The following FRYL variants were observed in gnomAD, a reference collection of about 807,000 sequenced individuals.
The protein encoded by FRYL is FRY like transcription coactivator.
A neutral mutation model predicts 351.2 loss-of-function variants in FRYL; 150 were observed. The observed-to-expected ratio is 0.43, with a 90% CI of 0.37 to 0.49. The LOEUF (loss-of-function observed/expected upper bound fraction) is 0.49, where lower values mean the gene tolerates loss of function less well. Ranked by LOEUF, FRYL falls within the 20% of genes least tolerant of loss-of-function variation. The probability of loss-of-function intolerance (pLI) is 0.00; values close to 1 mark genes in which losing one functional copy is unlikely to be tolerated. For synonymous variants in FRYL, 1,153 were observed against 1,257.1 expected (o/e 0.92, Z 1.75); for missense variants, 3,036 against 3,619.3 (o/e 0.84, Z 4.13).
intron 52 of FRYL, 104 bp downstream of exon 52, chr4:48,527,867 C>A (rs1050375004): frequency 3.8e-6 from 4 of 1,057,984 alleles, no homozygotes; most frequent in South Asian, 1.7e-5. Flanking sequence ...TGAGTTAATA[C>A]CGTAAGTAAG....
chr4:48,525,716 G>A (rs1254079314), intron 53 of FRYL, among the ~76,000 whole-genome samples: 3 of 152,126 alleles, frequency 2.0e-5, no homozygotes, highest in African/African-American at 4.8e-5. Context: ...TGTATGAGCT[G>A]TATATGAGTT....
At chr4:48,522,854 G>A in intron 54 of FRYL, 47 bp downstream of exon 54, 1 of 1,386,730 alleles carries the variant, frequency 7.2e-7, no homozygotes, top group Non-Finnish European at 1.0e-6. Flanking sequence ...TGGAAGTTAA[G>A]AGGAAAATGA....
chr4:48,531,560 T>G (rs1311820161), intron 49 of FRYL, among the ~76,000 whole-genome samples: 1 of 152,204 alleles, frequency 6.6e-6, no homozygotes, highest in Non-Finnish European at 1.5e-5. Flanking sequence ...AGATACCATA[T>G]GTGTAATAAT....
In FRYL at chr4:48,609,077, CA is replaced by C; in HGVS notation, c.492-11del. The C allele has an allele frequency of 6.6e-7, 1 of 1,513,668 alleles. No homozygotes were observed. The allele number at this position is 1,513,668 out of a possible 1,614,324, so 93.8% of individuals were successfully genotyped here. A position where few individuals can be genotyped will look rare whatever the true frequency, so the allele number is the denominator to read the frequency against. ...GTTGGTTCCTGAATATCTAAAATAA[CA>C]AAAGAACAAACATAACATTTCATTA... is the stretch of plus-strand genomic sequence containing the variant. On this transcript the variant is annotated splice_polypyrimidine_tract_variant and intron_variant, in intron 8 of 63. Coordinates refer to ENST00000358350, the MANE Select transcript of FRYL (RefSeq NM_015030.2).
At chr4:48,653,705 T>C (rs1378120377) in intron 3 of FRYL, 25 of 1,288,522 alleles carry the variant, frequency 1.9e-5, no homozygotes, top group Admixed American at 6.9e-5. Flanking sequence ...TGTAGGAATA[T>C]ATACTTACAG....
chr4:48,654,165 G>C (rs191880469), intron 3 of FRYL, among the ~76,000 whole-genome samples: 86 of 152,138 alleles, frequency 5.7e-4, no homozygotes, highest in African/African-American at 2.0e-3. Context: ...ACGACTGCTA[G>C]TAAACAGACA....
Position 48,582,631 on chromosome 4 carries a change from AT to A in FRYL, c.1851del (p.Phe618LeufsTer9). ...ACTTCACGAACAATAAAATAAACAA[AT>A]CCTGAAAGAACATCCTCCCGCCAAT... ...FPDWREDVLS[G>X]FVYFIVREVT... On this transcript the variant is annotated frameshift_variant, in exon 20 of 64. Transcript: ENST00000358350. LOFTEE classifies it high-confidence loss of function. 1 of 1,614,048 alleles carries A rather than the reference AT, an allele frequency of 6.2e-7. No homozygotes were observed.
At chr4:48,545,448 C>A (rs949997663) in intron 42 of FRYL, among the ~76,000 whole-genome samples, 1 of 152,150 alleles carries the variant, frequency 6.6e-6, no homozygotes, top group Non-Finnish European at 1.5e-5. Context: ...GCATCCTACA[C>A]GCTGTTATGG....
chr4:48,570,956 CT>C (rs762468829), intron 26 of FRYL, 38 bp from the exon 27 acceptor site: 1 of 1,494,408 alleles, frequency 6.7e-7, no homozygotes, highest in Non-Finnish European at 9.3e-7. Context: ...TAAAATCCTG[CT>C]GGTGTAACTT....
intron 3 of FRYL, among the ~76,000 whole-genome samples, chr4:48,670,123 T>A (rs1762410565): frequency 6.6e-6 from 1 of 152,154 alleles, no homozygotes; most frequent in Non-Finnish European, 1.5e-5. Context: ...TTAGTTTTTT[T>A]AATGTACAAT....
rs527410662 is a variant in FRYL at position 48,507,315 on chromosome 4, G to GTAGTT, written c.8395-1705_8395-1701dup. ...TTCCAGCCAGAGCATACAAGACATGGTAGTTTGTGCTCAGAACACCCTCCA... is the reference window on the plus strand; with the variant it reads ...TTCCAGCCAGAGCATACAAGACATGGTAGTTTAGTTTGTGCTCAGAACACCCTCCA... On this transcript the variant is annotated intron_variant, in intron 59 of 63. Coordinates refer to ENST00000358350, the MANE Select transcript of FRYL (RefSeq NM_015030.2). Among the ~76,000 whole-genome samples the GTAGTT allele has an allele frequency of 2.0e-4, 30 of 152,292 alleles. No individual in the cohort carries two copies. In the South Asian group the frequency reaches 4.8e-3, roughly 24 times the overall value.
chr4:48,569,022 T>C (rs1737590755), intron 27 of FRYL, among the ~76,000 whole-genome samples: 1 of 152,204 alleles, frequency 6.6e-6, no homozygotes, highest in South Asian at 2.1e-4. Context: ...AATAACTCTT[T>C]AAAAAATACT....
At chr4:48,693,726 G>A (rs772452004) in intron 2 of FRYL, among the ~76,000 whole-genome samples, 3 of 151,880 alleles carry the variant, frequency 2.0e-5, no homozygotes, top group African/African-American at 7.3e-5. Context: ...AATTCCCACA[G>A]ATAAAAACAT....
chr4:48,750,288 C>G (rs1773113626), intron 1 of FRYL, among the ~76,000 whole-genome samples: 1 of 151,696 alleles, frequency 6.6e-6, no homozygotes, highest in Non-Finnish European at 1.5e-5. Flanking sequence ...TGGGGAAACC[C>G]CATTTCTACA....
chr4:48,503,860 G>T (rs1042390605), intron 60 of FRYL, among the ~76,000 whole-genome samples: 4 of 152,120 alleles, frequency 2.6e-5, no homozygotes, highest in Admixed American at 6.5e-5. Context: ...ATTTCTGAGG[G>T]TTTAGTTCAT....
chr4:48,603,433 G>A (rs1746089183), intron 11 of FRYL, 45 bp from the exon 12 acceptor site: 2 of 1,191,742 alleles, frequency 1.7e-6, no homozygotes, highest in African/African-American at 1.5e-5. Flanking sequence ...ACAGATGTTA[G>A]ATTAAACTAT....
At chr4:48,606,050 G>C (rs1248989966) in intron 10 of FRYL, among the ~76,000 whole-genome samples, 1 of 146,334 alleles carries the variant, frequency 6.8e-6, no homozygotes, top group African/African-American at 2.5e-5. Context: ...GAGGTGAGGA[G>C]TTGGAGACCA....
At chr4:48,716,206 T>C (rs1469044240) in intron 1 of FRYL, among the ~76,000 whole-genome samples, 5 of 151,666 alleles carry the variant, frequency 3.3e-5, no homozygotes, top group South Asian at 2.1e-4. Flanking sequence ...ATTCAGGACA[T>C]AGGCATGGGC....
chr4:48,526,054 TGA>T (rs1726139186), intron 53 of FRYL, among the ~76,000 whole-genome samples: 1 of 151,976 alleles, frequency 6.6e-6, no homozygotes, highest in Admixed American at 6.6e-5. Flanking sequence ...TATATGTACA[TGA>T]GAGTTGATGA....
Sources: gnomAD v4.1 joint callset for allele counts (sites outside exome capture counted in the v4.1 genomes callset) on GRCh38, gnomAD v4.1.1 for gene constraint, MANE v1.5 for transcripts, NCBI Gene and HGNC (gene_info 2026-07-23, HGNC 2026-07-21) for gene names.